The following GRIK5 variants were observed in gnomAD, a reference collection of about 807,000 sequenced individuals.
The protein encoded by GRIK5 is glutamate ionotropic receptor kainate type subunit 5.
A neutral mutation model predicts 97.4 loss-of-function variants in GRIK5; 43 were observed. That is an observed-to-expected ratio of 0.44 (90% confidence interval 0.35 to 0.57). GRIK5 has a LOEUF of 0.57. Among genes scored for constraint, GRIK5 ranks in the 20% least tolerant of loss-of-function variants. The probability of loss-of-function intolerance (pLI) is 0.01; values close to 1 mark genes in which losing one functional copy is unlikely to be tolerated. For synonymous variants in GRIK5, 580 were observed against 583.5 expected (o/e 0.99, Z 0.09); for missense variants, 1,015 against 1,382.0 (o/e 0.73, Z 4.21).
chr19:42,059,287 T>C, intron 6 of GRIK5, 62 bp downstream of exon 6: 1 of 1,380,930 alleles, frequency 7.2e-7, no homozygotes, highest in East Asian at 2.3e-5. Flanking sequence ...ATTGGGTGAC[T>C]TGCTCGGTCA....
chr19:42,054,567 A>C, intron 8 of GRIK5, 95 bp from the exon 9 acceptor site: 2 of 1,380,298 alleles, frequency 1.4e-6, no homozygotes, highest in Non-Finnish European at 2.0e-6. Flanking sequence ...AAACCCTCAA[A>C]TAACTTCCCT....
chr19:42,005,266 C>T (rs1167978193), intron 17 of GRIK5, among the ~76,000 whole-genome samples: 2 of 149,438 alleles, frequency 1.3e-5, no homozygotes, highest in Admixed American at 6.7e-5. Context: ...AACAAAACAC[C>T]AAACTTGTCC....
chr19:42,006,902 G>T lies in GRIK5; in HGVS notation c.1872-92C>A. The T allele has an allele frequency of 1.1e-6, 1 of 893,904 alleles. No homozygotes were observed. The highest frequency in any genetic ancestry group is 1.7e-6 in the Non-Finnish European group (1 of 599,902). 55.4% of individuals were successfully genotyped at this position (893,904 alleles called of 1,614,324 possible). On this transcript the variant is annotated intron_variant, in intron 15 of 19. Transcript: ENST00000593562. This position sits in a 1 kb window ranked among gnomAD's most constrained non-coding sequence, Gnocchi z 5.3. ...CCCCCATTGGTGGTGCCCCTCCCAA[G>T]TGACCCCAGCATCTGGAAGACTCAG...
Position 41,999,315 on chromosome 19 carries a change from G to A in GRIK5, c.2515-16C>T. 1 of 1,505,086 alleles carries A rather than the reference G, an allele frequency of 6.6e-7. No homozygotes were observed. Among genetic ancestry groups the A allele is most frequent in the South Asian group, 1.2e-5 (1 of 81,858 alleles). The allele number at this position is 1,505,086 out of a possible 1,614,324, so 93.2% of individuals were successfully genotyped here. On this transcript the variant is annotated splice_polypyrimidine_tract_variant and intron_variant, in intron 19 of 19. Transcript: ENST00000593562. The surrounding 1 kb of genome is among the most constrained non-coding windows in gnomAD (Gnocchi z 5.0). ...ACACCGACACCTGGGGGTGGCGCGG[G>A]CGGTCACCGTCCCGGCGCAGTCCGC...
intron 12 of GRIK5, among the ~76,000 whole-genome samples, chr19:42,041,578 G>C (rs531111505): frequency 2.6e-4 from 39 of 152,198 alleles, no homozygotes; most frequent in African/African-American, 8.9e-4. Context: ...TTCAAATCTA[G>C]GAGTGTCTGA....
chr19:42,000,426 G>A (rs1555870677), intron 19 of GRIK5, among the ~76,000 whole-genome samples: 2 of 152,176 alleles, frequency 1.3e-5, no homozygotes, highest in Non-Finnish European at 2.9e-5. Context: ...GATCAGATAC[G>A]GGGCATGGAA....
At chr19:42,038,869 G>A (rs1018518079) in intron 12 of GRIK5, among the ~76,000 whole-genome samples, 5 of 152,220 alleles carry the variant, frequency 3.3e-5, no homozygotes, top group African/African-American at 4.8e-5. Context: ...CTATCCCACA[G>A]CAGGGCAAGG....
intron 15 of GRIK5, among the ~76,000 whole-genome samples, chr19:42,013,408 C>CTTTTTTTTTTTTTTTTTTT (rs961451223): frequency 1.6e-5 from 2 of 123,244 alleles, no homozygotes; most frequent in African/African-American, 3.0e-5. Context: ...TTTTTCTTTT[C>CTTTTTTTTTTTTTTTTTTT]TTTTTTTTTT....
At chr19:42,035,141 G>A (rs1271208978) in intron 12 of GRIK5, among the ~76,000 whole-genome samples, 2 of 151,990 alleles carry the variant, frequency 1.3e-5, no homozygotes, top group Non-Finnish European at 2.9e-5. Context: ...ACCACATCCA[G>A]CTAATTTTTT....
chr19:42,036,354 G>A (rs1275458297), intron 12 of GRIK5, among the ~76,000 whole-genome samples: 2 of 149,370 alleles, frequency 1.3e-5, no homozygotes, highest in Non-Finnish European at 3.0e-5. Context: ...GAGCCACTGT[G>A]CCCAGCCTAT....
intron 15 of GRIK5, among the ~76,000 whole-genome samples, chr19:42,016,054 G>A (rs1475268551): frequency 6.6e-6 from 1 of 152,134 alleles, no homozygotes; most frequent in African/African-American, 2.4e-5. Context: ...AAGACCCAGG[G>A]ACTGACTCAA....
intron 12 of GRIK5, among the ~76,000 whole-genome samples, chr19:42,023,970 A>G (rs1568896996): frequency 6.6e-6 from 1 of 152,202 alleles, no homozygotes; most frequent in African/African-American, 2.4e-5. Flanking sequence ...CCTAGGGCTC[A>G]GCTGCCCTGC....
At position 42,021,634 on chromosome 19, in the gene GRIK5, A is replaced by C. The variant is rs1229027372; in HGVS notation, c.1698-160T>G. On this transcript the variant is annotated intron_variant, in intron 14 of 19. Transcript: ENST00000593562. The surrounding 1 kb of genome is among the most constrained non-coding windows in gnomAD (Gnocchi z 4.2). ...ACAGAGAAAAGGCAGAGAGAGATGC[A>C]CAGAGATGGAGACAGAAGAGGCAGA... Among the ~76,000 whole-genome samples the C allele has an allele frequency of 6.6e-6, 1 of 152,196 alleles. No homozygotes were observed. The highest frequency in any genetic ancestry group is 2.4e-5 in the African/African-American group (1 of 41,458).
rs782254842 is a variant in GRIK5, at chr19:42,003,421, T to TA, written c.2424dup (p.Ile809TyrfsTer27). The stretch of plus-strand genomic sequence containing the variant: ...ATGATGAGGCCACAGATGAGCACGA[T>TA]AAAAATGCCACCAATGTTCTCCATG... On this transcript the variant is annotated frameshift_variant, in exon 19 of 20. Coordinates refer to ENST00000593562, the MANE Select transcript of GRIK5 (RefSeq NM_002088.5). LOFTEE classifies it high-confidence loss of function. This position sits in a 1 kb window ranked among gnomAD's most constrained non-coding sequence, Gnocchi z 4.2. 6.2e-7 allele frequency: 1 copy of TA among 1,612,772 alleles called. No homozygotes were observed. Among genetic ancestry groups the TA allele is most frequent in the South Asian group, 1.1e-5 (1 of 91,048 alleles).
intron 6 of GRIK5, among the ~76,000 whole-genome samples, chr19:42,059,083 C>T (rs768811176): frequency 1.6e-4 from 24 of 152,144 alleles, no homozygotes; most frequent in East Asian, 5.8e-4. Flanking sequence ...GCAGCCTGAA[C>T]GCTGGCTGTT....
In GRIK5 at chr19:42,047,972, C is replaced by CAA. The variant is rs552963887; in HGVS notation, c.1270-5219_1270-5218dup. 2.0e-3 allele frequency among the ~76,000 whole-genome samples: 112 copies of CAA among 54,734 alleles called. 1 individual carries two copies. The highest frequency in any genetic ancestry group is 9.6e-3 in the Middle Eastern group (1 of 104). The allele number at this position is 54,734 out of a possible 152,430, so 35.9% of individuals were successfully genotyped here. ...TGGGCAACAGAGTGAGACTCTGTCTCAAAAAAAAAAAAAAAAAAAAGAAAA... is the reference window on the plus strand; with the variant it reads ...TGGGCAACAGAGTGAGACTCTGTCTCAAAAAAAAAAAAAAAAAAAAAAGAAAA... On this transcript the variant is annotated intron_variant, in intron 11 of 19. Coordinates refer to ENST00000593562, the MANE Select transcript of GRIK5 (RefSeq NM_002088.5).
chr19:42,014,642 G>A (rs1452975852), intron 15 of GRIK5, among the ~76,000 whole-genome samples: 1 of 151,934 alleles, frequency 6.6e-6, no homozygotes, highest in Non-Finnish European at 1.5e-5. Context: ...AATTAGCTGG[G>A]TGTGGTGGCA....
Position 42,069,256 on chromosome 19 carries a change from GGAGGGCTGGGCTCCCTC to G in GRIK5, c.-83_-67del, listed in dbSNP as rs2076388766. ...AGACACTCACGGATCCTGGTGGGAC[GGAGGGCTGGGCTCCCTC>G]GAGGCCCGAAGACCGACAGCGGGAG... is the stretch of plus-strand genomic sequence containing the variant. On this transcript the variant is annotated 5_prime_UTR_variant, in exon 1 of 20. Coordinates refer to ENST00000593562, the MANE Select transcript of GRIK5 (RefSeq NM_002088.5). The G allele has an allele frequency of 4.0e-6, 1 of 251,544 alleles. No homozygotes were observed. Among genetic ancestry groups the G allele is most frequent in the South Asian group, 1.7e-4 (1 of 5,840 alleles). 15.6% of individuals were successfully genotyped at this position (251,544 alleles called of 1,614,324 possible). A position where few individuals can be genotyped will look rare whatever the true frequency, so the allele number is the denominator to read the frequency against.
chr19:42,032,304 A>G (rs1452467265), intron 12 of GRIK5, among the ~76,000 whole-genome samples: 1 of 152,228 alleles, frequency 6.6e-6, no homozygotes, highest in African/African-American at 2.4e-5. Context: ...TGAGATGGGC[A>G]AAGATTTTAT....
Sources: allele counts gnomAD v4.1 joint callset (sites outside exome capture counted in the v4.1 genomes callset), GRCh38; gene constraint gnomAD v4.1.1; non-coding constraint Gnocchi (gnomAD v3.1); transcripts MANE v1.5; gene names NCBI Gene and HGNC (gene_info 2026-07-23, HGNC 2026-07-21).